The following DPP10 variants were observed in gnomAD, a reference collection of about 807,000 sequenced individuals.
DPP10 encodes the protein inactive dipeptidyl peptidase 10.
Under a neutral mutation model 120.9 loss-of-function variants are expected in DPP10, and 33 were observed. The observed-to-expected ratio is 0.27, with a 90% CI of 0.21 to 0.37. The LOEUF (loss-of-function observed/expected upper bound fraction) is 0.37, where lower values mean the gene tolerates loss of function less well. Among genes scored for constraint, DPP10 ranks in the 10% least tolerant of loss-of-function variants. The pLI is 1.00. For missense variants in DPP10, 816 were observed against 942.8 expected, an observed-to-expected ratio of 0.87 and a Z score of 1.76; for synonymous variants, 337 against 326.1, an observed-to-expected ratio of 1.03 and a Z score of -0.36.
At chr2:114,747,599 C>G (rs948638619) in intron 1 of DPP10, among the ~76,000 whole-genome samples, 2 of 152,128 alleles carry the variant, frequency 1.3e-5, no homozygotes, top group Admixed American at 6.5e-5. Flanking sequence ...AGGGGAAAAC[C>G]TGAAACCATT....
At chr2:115,020,890 G>A (rs879866083) in intron 1 of DPP10, among the ~76,000 whole-genome samples, 4 of 152,036 alleles carry the variant, frequency 2.6e-5, no homozygotes, top group Admixed American at 6.6e-5. Context: ...GCAAATACAT[G>A]GAAATTAAAT....
intron 24 of DPP10, among the ~76,000 whole-genome samples, chr2:115,837,741 C>T (rs756065469): frequency 6.6e-6 from 1 of 151,886 alleles, no homozygotes; most frequent in Non-Finnish European, 1.5e-5. Flanking sequence ...CAAGCCCATA[C>T]ATAACACCAG....
At chr2:114,535,796 T>C (rs1192150912) in intron 1 of DPP10, among the ~76,000 whole-genome samples, 2 of 152,152 alleles carry the variant, frequency 1.3e-5, no homozygotes, top group Non-Finnish European at 2.9e-5. Context: ...TTTAATAAAG[T>C]CTAAACTTAG....
At chr2:114,601,598 A>G (rs1692372607) in intron 1 of DPP10, among the ~76,000 whole-genome samples, 1 of 151,910 alleles carries the variant, frequency 6.6e-6, no homozygotes, top group East Asian at 1.9e-4. Context: ...ACAGCCAATA[A>G]CATTCATCTC....
intron 5 of DPP10, among the ~76,000 whole-genome samples, chr2:115,566,377 C>T (rs2081011864): frequency 6.6e-6 from 1 of 151,842 alleles, no homozygotes; most frequent in Non-Finnish European, 1.5e-5. Flanking sequence ...TTTTTCTATG[C>T]TAATTAATTA....
intron 1 of DPP10, among the ~76,000 whole-genome samples, chr2:114,568,831 A>G (rs190202870): frequency 2.6e-5 from 4 of 152,184 alleles, no homozygotes; most frequent in Admixed American, 2.6e-4. Flanking sequence ...CTATTCTTAC[A>G]TGTTTGTCTC....
chr2:115,738,506 G>A (rs1031663320), intron 8 of DPP10, among the ~76,000 whole-genome samples: 1 of 152,186 alleles, frequency 6.6e-6, no homozygotes, highest in East Asian at 1.9e-4. Context: ...GACAATCATA[G>A]GACAGGCATT....
intron 1 of DPP10, among the ~76,000 whole-genome samples, chr2:114,750,273 A>G (rs1218590395): frequency 6.6e-6 from 1 of 152,034 alleles, no homozygotes; most frequent in African/African-American, 2.4e-5. Context: ...AATAAGATAA[A>G]AAACTGGTCT....
intron 1 of DPP10, among the ~76,000 whole-genome samples, chr2:115,088,016 T>C (rs1407283566): frequency 6.6e-6 from 1 of 152,216 alleles, no homozygotes; most frequent in African/African-American, 2.4e-5. Flanking sequence ...AAGTTTAAGA[T>C]GAAGGCTCCA....
At chr2:114,714,071 TTGTGTGTGTG>T (rs59076753) in intron 1 of DPP10, among the ~76,000 whole-genome samples, 1,700 of 147,418 alleles carry the variant, frequency 0.012, 18 homozygotes, top group Admixed American at 0.03. Flanking sequence ...GGATTTGTGT[TTGTGTGTGTG>T]TGTGTGTGTG....
intron 1 of DPP10, among the ~76,000 whole-genome samples, chr2:114,520,190 C>A (rs1684939198): frequency 6.6e-6 from 1 of 152,228 alleles, no homozygotes; most frequent in South Asian, 2.1e-4. Flanking sequence ...AAACTATCAT[C>A]AAGTTCCTTG....
chr2:114,493,926 AC>A (rs2104453880), intron 1 of DPP10, among the ~76,000 whole-genome samples: 1 of 152,124 alleles, frequency 6.6e-6, no homozygotes, highest in African/African-American at 2.4e-5. Context: ...CTTTTCCTGC[AC>A]CCTAGTTTCC....
At chr2:115,183,035 G>A (rs1187759616) in intron 1 of DPP10, among the ~76,000 whole-genome samples, 2 of 152,098 alleles carry the variant, frequency 1.3e-5, no homozygotes, top group East Asian at 1.9e-4. Flanking sequence ...ACACACGTAC[G>A]TGCATGCGCA....
At chr2:115,583,758 A>G (rs1010245581) in intron 5 of DPP10, among the ~76,000 whole-genome samples, 2 of 151,546 alleles carry the variant, frequency 1.3e-5, no homozygotes, top group Admixed American at 6.6e-5. Context: ...GGAGAAAAAC[A>G]TCACCAAATT....
chr2:115,583,018 C>T (rs76275077), intron 5 of DPP10, among the ~76,000 whole-genome samples: 12,032 of 152,122 alleles, frequency 0.079, 495 homozygotes, highest in South Asian at 0.12. Context: ...TTTTAATCTC[C>T]GTTTTGATGA....
chr2:115,249,849 C>T (rs892290703), intron 1 of DPP10, among the ~76,000 whole-genome samples: 4 of 152,052 alleles, frequency 2.6e-5, no homozygotes, highest in Admixed American at 6.6e-5. Flanking sequence ...GAATGGATAA[C>T]TTAATGAAAT....
At chr2:115,825,448 C>A (rs899344341) in intron 21 of DPP10, among the ~76,000 whole-genome samples, 1 of 152,162 alleles carries the variant, frequency 6.6e-6, no homozygotes, top group Non-Finnish European at 1.5e-5. Flanking sequence ...GTTCTGTTTT[C>A]ATTTCTAAGT....
chr2:115,312,258 A>G (rs916711525), intron 2 of DPP10, among the ~76,000 whole-genome samples: 3 of 152,166 alleles, frequency 2.0e-5, no homozygotes, highest in Non-Finnish European at 2.9e-5. Flanking sequence ...TGCAAACTCA[A>G]TGCCCTCAAG....
At chr2:114,477,762 G>T (rs1275830002) in intron 1 of DPP10, among the ~76,000 whole-genome samples, 1 of 85,964 alleles carries the variant, frequency 1.2e-5, no homozygotes, top group African/African-American at 2.9e-5. Context: ...AACATGTATG[G>T]GTATATTTAT....
Sources: allele counts gnomAD v4.1 joint callset (sites outside exome capture counted in the v4.1 genomes callset), GRCh38; gene constraint gnomAD v4.1.1; transcripts MANE v1.5; gene names NCBI Gene and HGNC (gene_info 2026-07-23, HGNC 2026-07-21).